The following PTPN5 variants were observed in gnomAD, a reference collection of about 807,000 sequenced individuals.
PTPN5 encodes the protein tyrosine-protein phosphatase non-receptor type 5.
In PTPN5, 29 loss-of-function variants were observed where a neutral mutation model predicts 73.9. The ratio of observed to expected loss-of-function variants is 0.39; its 90% CI spans 0.29 to 0.54. The LOEUF (loss-of-function observed/expected upper bound fraction) is 0.54. Ranked by LOEUF, PTPN5 falls within the 20% of genes least tolerant of loss-of-function variation. PTPN5 has a pLI of 0.65. For synonymous variants in PTPN5, 267 were observed against 304.7 expected (o/e 0.88, Z 1.29); for missense variants, 652 against 751.4 (o/e 0.87, Z 1.55).
intron 1 of PTPN5, among the ~76,000 whole-genome samples, chr11:18,778,449 T>C (rs894029491): frequency 6.6e-6 from 1 of 152,222 alleles, no homozygotes; most frequent in Admixed American, 6.5e-5. Context: ...GTTTGGATAT[T>C]TGTCCCCACC....
chr11:18,745,859 GA>G, intron 3 of PTPN5, among the ~76,000 whole-genome samples: 1 of 152,108 alleles, frequency 6.6e-6, no homozygotes, highest in Admixed American at 6.6e-5. Context: ...GGTAAGGGTA[GA>G]GGTGGCTTCA....
chr11:18,739,099 C>T (rs1170163448), intron 8 of PTPN5, among the ~76,000 whole-genome samples: 1 of 152,132 alleles, frequency 6.6e-6, no homozygotes, highest in Admixed American at 6.5e-5. Context: ...CCCCTGACTG[C>T]ACCTAACTTC....
chr11:18,751,336 T>A (rs1411879972), intron 3 of PTPN5, among the ~76,000 whole-genome samples: 1 of 152,152 alleles, frequency 6.6e-6, no homozygotes, highest in Non-Finnish European at 1.5e-5. Context: ...ACTAAGATTA[T>A]CTCCTGCCTT....
chr11:18,786,890 T>G (rs1295200752), intron 1 of PTPN5, among the ~76,000 whole-genome samples: 1 of 152,228 alleles, frequency 6.6e-6, no homozygotes, highest in Non-Finnish European at 1.5e-5. Flanking sequence ...CTGGAGATGA[T>G]AGCATCTTGT....
chr11:18,765,749 C>T (rs966234836), intron 3 of PTPN5, 58 bp downstream of exon 3: 34 of 1,194,534 alleles, frequency 2.8e-5, no homozygotes, highest in East Asian at 7.6e-5. Context: ...CAGCTTCAGC[C>T]GGGGCATTGT....
chr11:18,776,712 T>A (rs1851175311), intron 1 of PTPN5, among the ~76,000 whole-genome samples: 1 of 152,188 alleles, frequency 6.6e-6, no homozygotes, highest in South Asian at 2.1e-4. Flanking sequence ...AAACTCAGTT[T>A]ATCTCAACCC....
Position 18,740,755 on chromosome 11 carries a change from T to A in PTPN5, c.763A>T (p.Thr255Ser). The part of the protein sequence containing the change: ...SNVSLTLDMC[T>S]PGCNEEGFGY... ...AAGCCCTCCTCGTTGCAGCCCGGAG[T>A]GCACATGTCCAGGGTCAGGGAGACA... Residue 255 changes from threonine (T) to serine (S), a missense_variant, in exon 8 of 15, where the codon ACT becomes TCT. This residue lies in a region of PTPN5 where 529 missense variants were observed against 573.9 expected (regional missense o/e 0.92). Transcript: ENST00000358540. The A allele has an allele frequency of 6.3e-7, 1 of 1,589,732 alleles. No homozygotes were observed. Among genetic ancestry groups the A allele is most frequent in the Non-Finnish European group, 8.6e-7 (1 of 1,166,264 alleles).
chr11:18,765,124 T>G (rs1170869476), intron 3 of PTPN5, among the ~76,000 whole-genome samples: 1 of 152,194 alleles, frequency 6.6e-6, no homozygotes, highest in Non-Finnish European at 1.5e-5. Context: ...TTCTAATATT[T>G]TGACAGTTAA....
At position 18,743,417 on chromosome 11, in the gene PTPN5, C is replaced by T. The variant is rs1849465943; in HGVS notation, c.304G>A (p.Val102Met). 1 of 1,614,064 alleles carries T rather than the reference C, an allele frequency of 6.2e-7. No homozygotes were observed. The highest frequency in any genetic ancestry group is 8.5e-7 in the Non-Finnish European group (1 of 1,179,984). ...TGGCCATAACCGCTGAACCAGAGCA[C>T]CCCACAGGCAAGCTGGGGCACAGGG... The part of the protein sequence containing the change: ...AASQFLLACG[V>M]LWFSGYGHIW... Residue 102 changes from valine (V) to methionine (M), a missense_variant, in exon 5 of 15, where the codon GTG becomes ATG. Val to Met is a conservative substitution (Grantham distance 21). Coordinates refer to ENST00000358540, the MANE Select transcript of PTPN5 (RefSeq NM_006906.2).
intron 9 of PTPN5, among the ~76,000 whole-genome samples, chr11:18,736,981 T>G (rs543125310): frequency 6.6e-6 from 1 of 152,344 alleles, no homozygotes; most frequent in African/African-American, 2.4e-5. Flanking sequence ...CCATAGCAAC[T>G]ACAAGTCGAT....
chr11:18,746,195 A>ACAT (rs1554916253), intron 3 of PTPN5, among the ~76,000 whole-genome samples: 1,633 of 113,974 alleles, frequency 0.014, 45 homozygotes, highest in Non-Finnish European at 0.023. Flanking sequence ...ATATATATAC[A>ACAT]TTTTTTTTTT....
At chr11:18,750,555 T>C (rs1590540734) in intron 3 of PTPN5, among the ~76,000 whole-genome samples, 1 of 152,176 alleles carries the variant, frequency 6.6e-6, no homozygotes, top group Non-Finnish European at 1.5e-5. Flanking sequence ...TTCTTGTTCA[T>C]AGGATTGTTG....
At chr11:18,769,529 A>G (rs1350136482) in intron 2 of PTPN5, among the ~76,000 whole-genome samples, 1 of 152,064 alleles carries the variant, frequency 6.6e-6, no homozygotes, top group Non-Finnish European at 1.5e-5. Context: ...TCAGCCTCCC[A>G]GTAGCTGGGA....
chr11:18,788,879 C>T (rs1455057380), intron 1 of PTPN5, among the ~76,000 whole-genome samples: 4 of 152,168 alleles, frequency 2.6e-5, no homozygotes, highest in Admixed American at 6.5e-5. Flanking sequence ...ACTATTGTCA[C>T]GGATGTCTTA....
intron 1 of PTPN5, among the ~76,000 whole-genome samples, chr11:18,775,750 T>G (rs1309478656): frequency 6.6e-6 from 1 of 152,136 alleles, no homozygotes; most frequent in African/African-American, 2.4e-5. Flanking sequence ...TAGCTCCAAA[T>G]GAAAACCAAA....
chr11:18,773,688 G>A (rs1264547484), intron 1 of PTPN5, among the ~76,000 whole-genome samples: 1 of 152,116 alleles, frequency 6.6e-6, no homozygotes, highest in Middle Eastern at 3.2e-3. Flanking sequence ...TTCATTTAAG[G>A]AGCATAATGA....
chr11:18,733,909 T>A lies in PTPN5; in HGVS notation c.1001-274A>T, dbSNP rs542865196. ...CTTAAGTTGCCCTATACTCACTGCA[T>A]CTTAGCTTCTGGAGAGGAGACAGCT... is the stretch of plus-strand genomic sequence containing the variant. On this transcript the variant is annotated intron_variant, in intron 9 of 14. Transcript: ENST00000358540. This position sits in a 1 kb window ranked among gnomAD's most constrained non-coding sequence, Gnocchi z 4.3. Among the ~76,000 whole-genome samples the A allele has an allele frequency of 6.6e-6, 1 of 152,298 alleles. No individual in the cohort carries two copies. The highest frequency in any genetic ancestry group is 2.1e-4 in the South Asian group (1 of 4,824).
intron 3 of PTPN5, among the ~76,000 whole-genome samples, chr11:18,757,031 A>T (rs1169896533): frequency 6.6e-6 from 1 of 152,192 alleles, no homozygotes; most frequent in Non-Finnish European, 1.5e-5. Context: ...TGTGTGTGTG[A>T]AATTCCAAAG....
chr11:18,774,254 G>A (rs1354383223), intron 1 of PTPN5, among the ~76,000 whole-genome samples: 2 of 152,246 alleles, frequency 1.3e-5, no homozygotes, highest in African/African-American at 4.8e-5. Context: ...CTGGTGAACA[G>A]CAGGTGCTCA....
Sources: gnomAD v4.1 joint callset for allele counts (sites outside exome capture counted in the v4.1 genomes callset) on GRCh38, gnomAD v4.1.1 for gene constraint, gnomAD v4.1.1 regional missense constraint, Gnocchi (gnomAD v3.1) non-coding constraint, MANE v1.5 for transcripts, NCBI Gene and HGNC (gene_info 2026-07-23, HGNC 2026-07-21) for gene names.